The following HOOK1 variants were observed in gnomAD, a reference collection of about 807,000 sequenced individuals.
HOOK1 encodes the protein hook microtubule tethering protein 1.
HOOK1 carries 60 observed loss-of-function variants against 112.8 expected under a neutral mutation model. The observed-to-expected ratio is 0.53, with a 90% CI of 0.43 to 0.66. The LOEUF is 0.66. HOOK1 is among the 30% of genes least tolerant of loss of function. The pLI is 0.00. For synonymous variants in HOOK1, 294 were observed against 283.8 expected (o/e 1.04, Z -0.36); for missense variants, 770 against 856.0 (o/e 0.90, Z 1.25).
rs529181631 is a variant in HOOK1, at chr1:59,847,605, T to G, written c.929+420T>G. Among the ~76,000 whole-genome samples the G allele has an allele frequency of 1.3e-3, 199 of 151,726 alleles. 1 individual carries two copies. The highest frequency in any genetic ancestry group is 3.7e-3 in the African/African-American group (153 of 41,528). ...TATAGGCAAGAATCCTAACTTTTTT[T>G]GGGGGAGGATTGTCATTTGGCAATA... is the stretch of plus-strand genomic sequence containing the variant. On this transcript the variant is annotated intron_variant, in intron 10 of 21. Transcript: ENST00000371208.
intron 10 of HOOK1, among the ~76,000 whole-genome samples, chr1:59,847,911 T>G (rs1202476395): frequency 6.6e-6 from 1 of 151,724 alleles, no homozygotes; most frequent in Admixed American, 6.6e-5. Flanking sequence ...ACGTCCTAAA[T>G]ACAGTTGAGT....
At chr1:59,838,779 C>G (rs1228908641) in intron 7 of HOOK1, among the ~76,000 whole-genome samples, 1 of 152,076 alleles carries the variant, frequency 6.6e-6, no homozygotes, top group Non-Finnish European at 1.5e-5. Flanking sequence ...GCCCATGCTT[C>G]TGTCCTGAAT....
At position 59,860,204 on chromosome 1, in the gene HOOK1, C is replaced by T. The variant is rs779216856; in HGVS notation, c.1408C>T (p.Leu470=). ...TAACATCAGGGAGGTGTTTATTCGA[C>T]TGCAACATGAAAATAAGATGCTTCG... ...PVEYREVFIR[L]QHENKMLRLQ... The change falls in exon 15 of 22, where the codon CTG becomes TTG. Residue 470 remains leucine, a synonymous_variant. Transcript: ENST00000371208. 3 of 1,602,066 alleles carry T rather than the reference C, an allele frequency of 1.9e-6. No homozygotes were observed. The highest frequency in any genetic ancestry group is 1.7e-5 in the Admixed American group (1 of 57,960).
intron 6 of HOOK1, among the ~76,000 whole-genome samples, chr1:59,835,911 C>T (rs570714323): frequency 3.3e-5 from 5 of 152,104 alleles, no homozygotes; most frequent in African/African-American, 1.2e-4. Context: ...CTGTGCAGCC[C>T]AGTTTTAACA....
At chr1:59,846,888 C>A (rs569051793) in intron 9 of HOOK1, among the ~76,000 whole-genome samples, 157 bp from the exon 10 acceptor site, 1 of 151,496 alleles carries the variant, frequency 6.6e-6, no homozygotes, top group South Asian at 2.1e-4. Context: ...CATGATATTT[C>A]AGTCTTTTGG....
At chr1:59,815,261 C>A in intron 1 of HOOK1, 81 bp downstream of exon 1, 1 of 1,310,076 alleles carries the variant, frequency 7.6e-7, no homozygotes, top group Non-Finnish European at 1.1e-6. Context: ...CCCAGGTGAG[C>A]TGGGGCTACC....
chr1:59,819,138 A>ATTTTTTTT (rs60936378), intron 1 of HOOK1, among the ~76,000 whole-genome samples: 1 of 76,542 alleles, frequency 1.3e-5, no homozygotes, highest in Non-Finnish European at 2.3e-5. Flanking sequence ...CCCAATAAGC[A>ATTTTTTTT]TTTTTTTTTT....
At chr1:59,825,816 A>G (rs2098389446) in intron 2 of HOOK1, among the ~76,000 whole-genome samples, 1 of 152,216 alleles carries the variant, frequency 6.6e-6, no homozygotes, top group South Asian at 2.1e-4. Context: ...TATAAAGTAT[A>G]GATAGATGTC....
At chr1:59,842,849 A>C (rs570965760) in intron 8 of HOOK1, among the ~76,000 whole-genome samples, 7 of 152,178 alleles carry the variant, frequency 4.6e-5, no homozygotes, top group African/African-American at 1.7e-4. Flanking sequence ...AGGTACTGAT[A>C]ATGATGTGGT....
At chr1:59,867,051 A>G (rs1643979047) in intron 19 of HOOK1, among the ~76,000 whole-genome samples, 1 of 152,182 alleles carries the variant, frequency 6.6e-6, no homozygotes, top group South Asian at 2.1e-4. Context: ...AATGAATACC[A>G]CATTTTTGCC....
chr1:59,841,502 A>G (rs1034271449), intron 8 of HOOK1, among the ~76,000 whole-genome samples: 3 of 152,168 alleles, frequency 2.0e-5, no homozygotes, highest in Non-Finnish European at 4.4e-5. Flanking sequence ...CTTCATCTGT[A>G]AAAACCAGTC....
In HOOK1 at chr1:59,843,928, A is replaced by G. The variant is rs111516089; in HGVS notation, c.788+330A>G. Among the ~76,000 whole-genome samples, 1,301 of 152,132 alleles carry G rather than the reference A, an allele frequency of 8.6e-3. 13 individuals carry two copies. The highest frequency in any genetic ancestry group is 0.03 in the African/African-American group (1,231 of 41,548). On this transcript the variant is annotated intron_variant, in intron 9 of 21. Coordinates refer to ENST00000371208, the MANE Select transcript of HOOK1 (RefSeq NM_015888.6). ...TCTCAAATAAGATAGGTAACCCTGT[A>G]ATAAATGGAAAAAAATGTAAATCGT...
chr1:59,862,061 T>C (rs1417779940), intron 15 of HOOK1, among the ~76,000 whole-genome samples: 1 of 152,200 alleles, frequency 6.6e-6, no homozygotes, highest in African/African-American at 2.4e-5. Flanking sequence ...TACTATCTTA[T>C]TCAGTTCAAT....
chr1:59,815,217 G>T, intron 1 of HOOK1, 37 bp downstream of exon 1: 1 of 1,534,558 alleles, frequency 6.5e-7, no homozygotes. Context: ...GGGGGCCAGG[G>T]GGCCGAGGCG....
At position 59,873,733 on chromosome 1, in the gene HOOK1, A is replaced by G. The variant is rs1182091210; in HGVS notation, c.*768A>G. The G allele has an allele frequency of 1.5e-5, 2 of 131,234 alleles. No individual in the cohort carries two copies. Among genetic ancestry groups the G allele is most frequent in the Non-Finnish European group, 3.2e-5 (2 of 62,084 alleles). The allele number at this position is 131,234 out of a possible 1,614,324, so 8.1% of individuals were successfully genotyped here. ...TTCTGATGGAAAGCAAGCTATATAT[A>G]TATATATATATATATATATATATAT... On this transcript the variant is annotated 3_prime_UTR_variant, in exon 22 of 22. Transcript: ENST00000371208.
intron 3 of HOOK1, among the ~76,000 whole-genome samples, chr1:59,830,182 A>G (rs1247559416): frequency 6.6e-6 from 1 of 152,066 alleles, no homozygotes; most frequent in Admixed American, 6.5e-5. Flanking sequence ...CAGTTGTTAT[A>G]TAAATATAGA....
intron 20 of HOOK1, among the ~76,000 whole-genome samples, chr1:59,870,090 A>G (rs1644032065): frequency 6.6e-6 from 1 of 152,176 alleles, no homozygotes; most frequent in Non-Finnish European, 1.5e-5. Flanking sequence ...CTTCTCATCT[A>G]TAAAATGGTG....
At position 59,875,229 on chromosome 1, in the gene HOOK1, A is replaced by G. The variant is rs1265400256; in HGVS notation, c.*2264A>G. 6.6e-6 allele frequency: 1 copy of G among 152,590 alleles called. No homozygotes were observed. The highest frequency in any genetic ancestry group is 6.5e-5 in the Admixed American group (1 of 15,282). 9.5% of individuals were successfully genotyped at this position (152,590 alleles called of 1,614,324 possible). On this transcript the variant is annotated 3_prime_UTR_variant, in exon 22 of 22. Coordinates refer to ENST00000371208, the MANE Select transcript of HOOK1 (RefSeq NM_015888.6). Reference sequence around the variant, plus strand: ...AATTAGTGTTTTCACAGATCAGATCATTATACTTGGAACTTCTAAATCATG... The same window carrying G: ...AATTAGTGTTTTCACAGATCAGATCGTTATACTTGGAACTTCTAAATCATG...
chr1:59,817,960 T>C (rs2098382839), intron 1 of HOOK1, among the ~76,000 whole-genome samples: 1 of 152,212 alleles, frequency 6.6e-6, no homozygotes, highest in African/African-American at 2.4e-5. Context: ...ATCAAAGTGG[T>C]GATAGTAAAT....
Sources: gnomAD v4.1 joint callset for allele counts (sites outside exome capture counted in the v4.1 genomes callset) on GRCh38, gnomAD v4.1.1 for gene constraint, MANE v1.5 for transcripts, NCBI Gene and HGNC (gene_info 2026-07-23, HGNC 2026-07-21) for gene names.